Variants in USP31 observed in about 807,000 individuals in gnomAD.
The protein encoded by USP31 is ubiquitin specific peptidase 31.
A neutral mutation model predicts 119.4 loss-of-function variants in USP31; 44 were observed. The ratio of observed to expected loss-of-function variants is 0.37; its 90% confidence interval spans 0.29 to 0.47. USP31 has a LOEUF of 0.47. USP31 is among the 20% of genes least tolerant of loss of function. The pLI is 0.99. For synonymous variants in USP31, 749 were observed against 705.6 expected (o/e 1.06, Z -0.97); for missense variants, 1,643 against 1,730.2 (o/e 0.95, Z 0.89).
chr16:23,074,584 T>C (rs971570361), intron 13 of USP31, among the ~76,000 whole-genome samples: 1 of 152,206 alleles, frequency 6.6e-6, no homozygotes, highest in Non-Finnish European at 1.5e-5. Context: ...GCCCAGCTCA[T>C]TTCAGGCTTA....
chr16:23,104,954 A>G (rs977767136), intron 5 of USP31, among the ~76,000 whole-genome samples: 2 of 152,252 alleles, frequency 1.3e-5, no homozygotes, highest in African/African-American at 4.8e-5. Context: ...ACAAGGTAAG[A>G]GACTCTGGTC....
At chr16:23,135,048 T>C (rs1903147256) in intron 1 of USP31, among the ~76,000 whole-genome samples, 1 of 149,104 alleles carries the variant, frequency 6.7e-6, no homozygotes, top group African/African-American at 2.5e-5. Flanking sequence ...ATCGTAACAT[T>C]AACAAAATAA....
intron 10 of USP31, among the ~76,000 whole-genome samples, 199 bp downstream of exon 10, chr16:23,085,377 CAAATGTTCT>C (rs1367048975): frequency 1.3e-5 from 2 of 152,050 alleles, no homozygotes; most frequent in Non-Finnish European, 2.9e-5. Flanking sequence ...CAGCAGTGAA[CAAATGTTCT>C]AAGGTTCTGG....
Position 23,067,515 on chromosome 16 carries a change from C to CT in USP31, c.*530dup, listed in dbSNP as rs927989065. The CT allele has an allele frequency of 4.5e-5, 7 of 154,016 alleles. No homozygotes were observed. Among genetic ancestry groups the CT allele is most frequent in the African/African-American group, 9.7e-5 (4 of 41,442 alleles). 9.5% of individuals were successfully genotyped at this position (154,016 alleles called of 1,614,324 possible). ...GTTAAAATATTGCCCTTTACAAAGACTGGTAGATGGGGCGAAAGTGCAGAA... is the reference window on the plus strand; with the variant it reads ...GTTAAAATATTGCCCTTTACAAAGACTTGGTAGATGGGGCGAAAGTGCAGAA... On this transcript the variant is annotated 3_prime_UTR_variant, in exon 16 of 16. Coordinates refer to ENST00000219689, the MANE Select transcript of USP31 (RefSeq NM_020718.4).
At chr16:23,090,882 CAG>C (rs1248979463) in intron 6 of USP31, 78 bp from the exon 7 acceptor site, 1 of 1,319,260 alleles carries the variant, frequency 7.6e-7, no homozygotes, top group African/African-American at 1.5e-5. Context: ...ATTTACCCAA[CAG>C]AGAAAATTTT....
In USP31 at chr16:23,087,837, T is replaced by A; in HGVS notation, c.1416-2A>T. ...TGCAGCACAAAAGGCAGTCCAAATC[T>A]AACACACATCAACAATGTAATCACC... On this transcript the variant is annotated splice_acceptor_variant, in intron 7 of 15. Transcript: ENST00000219689. LOFTEE classifies it high-confidence loss of function. 6.2e-7 allele frequency: 1 copy of A among 1,611,494 alleles called. No homozygotes were observed.
intron 13 of USP31, among the ~76,000 whole-genome samples, chr16:23,077,828 C>A (rs968059166): frequency 6.6e-6 from 1 of 152,076 alleles, no homozygotes; most frequent in South Asian, 2.1e-4. Context: ...AGGCCCTTAG[C>A]CCAATGATTC....
chr16:23,139,998 T>C (rs1309895887), intron 1 of USP31, among the ~76,000 whole-genome samples: 1 of 152,158 alleles, frequency 6.6e-6, no homozygotes, highest in Non-Finnish European at 1.5e-5. Context: ...GGATTCACCT[T>C]TCCTCCTCCT....
chr16:23,109,776 A>C (rs1902243776), intron 1 of USP31, among the ~76,000 whole-genome samples: 1 of 149,974 alleles, frequency 6.7e-6, no homozygotes, highest in African/African-American at 2.5e-5. Context: ...CCTCCCAAAA[A>C]CCCATGGCCT....
At chr16:23,117,417 A>C (rs1902524786) in intron 1 of USP31, among the ~76,000 whole-genome samples, 1 of 152,242 alleles carries the variant, frequency 6.6e-6, no homozygotes, top group Non-Finnish European at 1.5e-5. Context: ...CCCAAAAGAA[A>C]AGGCTGTAAT....
intron 6 of USP31, among the ~76,000 whole-genome samples, chr16:23,099,320 C>T (rs1901749411): frequency 6.6e-6 from 1 of 152,164 alleles, no homozygotes; most frequent in South Asian, 2.1e-4. Flanking sequence ...CAGGAAACAA[C>T]AGATGCTGGA....
intron 1 of USP31, among the ~76,000 whole-genome samples, chr16:23,132,457 G>C (rs547952444): frequency 6.6e-6 from 1 of 152,024 alleles, no homozygotes; most frequent in South Asian, 2.1e-4. Context: ...ATTGTGACGA[G>C]TGTATAGATG....
intron 11 of USP31, 113 bp from the exon 12 acceptor site, chr16:23,082,670 C>T (rs1900885023): frequency 6.4e-6 from 9 of 1,411,362 alleles, no homozygotes; most frequent in Non-Finnish European, 7.7e-6. Context: ...CTGTAAACCG[C>T]AGATGCTGGG....
In USP31 at chr16:23,108,977, G is replaced by C. The variant is rs8059157; in HGVS notation, c.634-794C>G. Among the ~76,000 whole-genome samples the C allele has an allele frequency of 7.4e-4, 113 of 152,268 alleles. 1 individual carries two copies. The highest frequency in any genetic ancestry group is 2.7e-3 in the African/African-American group (112 of 41,520). ...AACAGCCTAGTGAGGGGGACAGGGA[G>C]AAAGTCCACGCTTACAGTGTAGCTA... is the stretch of plus-strand genomic sequence containing the variant. On this transcript the variant is annotated intron_variant, in intron 1 of 15. Coordinates refer to ENST00000219689, the MANE Select transcript of USP31 (RefSeq NM_020718.4).
At position 23,073,728 on chromosome 16, in the gene USP31, C is replaced by A; in HGVS notation, c.2329G>T (p.Val777Leu). 6.2e-7 allele frequency: 1 copy of A among 1,611,670 alleles called. No individual in the cohort carries two copies. The highest frequency in any genetic ancestry group is 8.5e-7 in the Non-Finnish European group (1 of 1,179,088). Reference sequence around the variant, plus strand: ...GAACAAGAGTGGACCTCACCTGCCACCGAGCTGTTGGCTGACCATGACGGG... The same window carrying A: ...GAACAAGAGTGGACCTCACCTGCCAACGAGCTGTTGGCTGACCATGACGGG... ...AIPSWSANSSVAGSTSSSLCE... is the reference protein window; with the variant it reads ...AIPSWSANSSLAGSTSSSLCE... Residue 777 changes from valine (V) to leucine (L), a missense_variant, in exon 14 of 16, where the codon GTG becomes TTG. By Grantham distance (32) the Val-to-Leu change is conservative. Transcript: ENST00000219689.
rs371618863 is a variant in USP31, at chr16:23,119,373, T to C, written c.634-11190A>G. On this transcript the variant is annotated intron_variant, in intron 1 of 15. Coordinates refer to ENST00000219689, the MANE Select transcript of USP31 (RefSeq NM_020718.4). Reference sequence around the variant, plus strand: ...TCAGCCTCCCACGGTGCTGGGATTATAGGCATGAGCCACCGTGCCCGGCCA... The same window carrying C: ...TCAGCCTCCCACGGTGCTGGGATTACAGGCATGAGCCACCGTGCCCGGCCA... Among the ~76,000 whole-genome samples the C allele has an allele frequency of 2.9e-4, 44 of 152,282 alleles. 1 individual carries two copies. In the East Asian group the frequency reaches 4.3e-3, roughly 15 times the overall value.
At chr16:23,112,580 A>G (rs905162526) in intron 1 of USP31, among the ~76,000 whole-genome samples, 1 of 151,970 alleles carries the variant, frequency 6.6e-6, no homozygotes, top group African/African-American at 2.4e-5. Flanking sequence ...CATCTCAATA[A>G]AAGGAATAAT....
rs1373470820 is a variant in USP31, at chr16:23,068,703, C to T, written c.3402G>A (p.Ser1134=). 3.7e-6 allele frequency: 6 copies of T among 1,613,424 alleles called. No homozygotes were observed. Among genetic ancestry groups the T allele is most frequent in the East Asian group, 2.2e-5 (1 of 44,886 alleles). The change falls in exon 16 of 16, where the codon TCG becomes TCA. Residue 1134 remains serine, a synonymous_variant. Transcript: ENST00000219689. ...GGAAAGGGCTCCTTGTGGCAGGGCCCGAGGCCTTTTTGGCAGATGTGGAGG... is the reference window on the plus strand; with the variant it reads ...GGAAAGGGCTCCTTGTGGCAGGGCCTGAGGCCTTTTTGGCAGATGTGGAGG... The part of the protein sequence containing the change: ...TASSTSAKKA[S]GPATRSPFPP...
Position 23,065,740 on chromosome 16 carries a change from C to G in USP31, c.*2306G>C, listed in dbSNP as rs915621003. The stretch of plus-strand genomic sequence containing the variant: ...CACTAGACATCGTGGAAAATCCATT[C>G]CTAGATAACTCAAGAATAAAAATAT... On this transcript the variant is annotated 3_prime_UTR_variant, in exon 16 of 16. Transcript: ENST00000219689. 1 of 151,836 alleles carries G rather than the reference C, an allele frequency of 6.6e-6. No individual in the cohort carries two copies. The highest frequency in any genetic ancestry group is 2.4e-5 in the African/African-American group (1 of 41,316). The allele number at this position is 151,836 out of a possible 1,614,324, so 9.4% of individuals were successfully genotyped here. A position where few individuals can be genotyped will look rare whatever the true frequency, so the allele number is the denominator to read the frequency against.
Sources: allele counts gnomAD v4.1 joint callset (sites outside exome capture counted in the v4.1 genomes callset), GRCh38; gene constraint gnomAD v4.1.1; transcripts MANE v1.5; gene names NCBI Gene and HGNC (gene_info 2026-07-23, HGNC 2026-07-21).